Variants in CASP2 observed in about 807,000 individuals in gnomAD.
The protein encoded by CASP2 is caspase 2.
CASP2 carries 38 observed loss-of-function variants against 54.4 expected under a neutral mutation model. That is an observed-to-expected ratio of 0.70 (90% confidence interval 0.54 to 0.92). CASP2 has a LOEUF of 0.92. Among genes scored for constraint, CASP2 ranks in the 40% least tolerant of loss-of-function variants. CASP2 has a pLI of 0.00. For synonymous variants in CASP2, 215 were observed against 216.3 expected (o/e 0.99, Z 0.05); for missense variants, 512 against 579.6 (o/e 0.88, Z 1.20).
In CASP2 at chr7:143,307,543, ATATT is replaced by A. The variant is rs1419598811; in HGVS notation, c.*2474_*2477del. 2.6e-5 allele frequency: 4 copies of A among 152,186 alleles called. No homozygotes were observed. The highest frequency in any genetic ancestry group is 9.7e-5 in the African/African-American group (4 of 41,422). The allele number at this position is 152,186 out of a possible 1,614,324, so 9.4% of individuals were successfully genotyped here. A position where few individuals can be genotyped will look rare whatever the true frequency, so the allele number is the denominator to read the frequency against. ...CTGTAGTAGTCAAGGTGCTCAATAA[ATATT>A]TGTTTGGGTGGTTTGTGAGCCTTGC... On this transcript the variant is annotated 3_prime_UTR_variant, in exon 11 of 11. Coordinates refer to ENST00000310447, the MANE Select transcript of CASP2 (RefSeq NM_032982.4).
In CASP2 at chr7:143,305,392, A is replaced by G. The variant is rs1369652327; in HGVS notation, c.*321A>G. ...GGGAGAGGGCATATAAATTCCCCAT[A>G]TTTGTGTTCAGTTCCAGCTTTTGTA... On this transcript the variant is annotated 3_prime_UTR_variant, in exon 11 of 11. Transcript: ENST00000310447. 10 of 434,102 alleles carry G rather than the reference A, an allele frequency of 2.3e-5. No homozygotes were observed. Among genetic ancestry groups the G allele is most frequent in the Non-Finnish European group, 4.3e-5 (10 of 232,002 alleles). 26.9% of individuals were successfully genotyped at this position (434,102 alleles called of 1,614,324 possible).
intron 1 of CASP2, among the ~76,000 whole-genome samples, chr7:143,290,197 A>T (rs182013634): frequency 1.3e-4 from 20 of 151,646 alleles, no homozygotes; most frequent in Admixed American, 9.2e-4. Context: ...AGTAGCTAGG[A>T]CTACAGGCAT....
chr7:143,303,180 G>T (rs1801965404), intron 8 of CASP2: 1 of 151,862 alleles, frequency 6.6e-6, no homozygotes. Flanking sequence ...TTGGATGCTT[G>T]CTATAATTTA....
In CASP2 at chr7:143,300,193, C is replaced by T; in HGVS notation, c.877-11C>T. 6.2e-7 allele frequency: 1 copy of T among 1,614,114 alleles called. No individual in the cohort carries two copies. Among genetic ancestry groups the T allele is most frequent in the Non-Finnish European group, 8.5e-7 (1 of 1,179,986 alleles). ...GCTTAACCTCTCTTCTTCCTTCTTT[C>T]TTTCTGGCAGCTCCAAGAGGTTTTT... On this transcript the variant is annotated splice_polypyrimidine_tract_variant and intron_variant, in intron 7 of 10. Transcript: ENST00000310447.
chr7:143,299,879 G>C, intron 6 of CASP2, 44 bp from the exon 7 acceptor site: 2 of 1,612,544 alleles, frequency 1.2e-6, no homozygotes. Flanking sequence ...TGCTTATGTT[G>C]GTGCTGACCT....
intron 8 of CASP2, chr7:143,302,306 T>G (rs1368739657): frequency 6.6e-6 from 1 of 152,218 alleles, no homozygotes; most frequent in African/African-American, 2.4e-5. Context: ...TGGATCTGGA[T>G]AAGGAGTAAT....
chr7:143,292,341 C>T lies in CASP2; in HGVS notation c.267C>T (p.Asn89=). 6.2e-7 allele frequency: 1 copy of T among 1,614,214 alleles called. No homozygotes were observed. Among genetic ancestry groups the T allele is most frequent in the Non-Finnish European group, 8.5e-7 (1 of 1,180,036 alleles). Residue 89 remains asparagine (N), a synonymous_variant, in exon 3 of 11, where the codon AAC becomes AAT. Coordinates refer to ENST00000310447, the MANE Select transcript of CASP2 (RefSeq NM_032982.4). ...TCAGCCAGAATGTGGAACTCCTCAA[C>T]TTGCTGCCTAAGAGGGGTCCCCAAG... is the stretch of plus-strand genomic sequence containing the variant. ...GSFSQNVELL[N]LLPKRGPQAF...
intron 8 of CASP2, chr7:143,302,380 C>T (rs780080836): frequency 6.6e-6 from 1 of 152,148 alleles, no homozygotes; most frequent in Non-Finnish European, 1.5e-5. Flanking sequence ...AAATTAAATC[C>T]TTCAAGGAAT....
intron 9 of CASP2, 88 bp downstream of exon 9, chr7:143,304,021 T>G: frequency 8.0e-7 from 1 of 1,248,996 alleles, no homozygotes; most frequent in South Asian, 1.3e-5. Context: ...TGAGTATCCC[T>G]TATCTGAAGT....
intron 6 of CASP2, among the ~76,000 whole-genome samples, 183 bp downstream of exon 6, chr7:143,294,956 G>C (rs943843544): frequency 1.3e-5 from 2 of 151,986 alleles, no homozygotes; most frequent in Non-Finnish European, 2.9e-5. Flanking sequence ...ATTAGGGCCG[G>C]CCAGCCATTT....
chr7:143,292,682 G>GCTC lies in CASP2; in HGVS notation c.461_463dup (p.Leu154dup). The GCTC allele has an allele frequency of 6.2e-7, 1 of 1,612,722 alleles. No homozygotes were observed. The highest frequency in any genetic ancestry group is 8.5e-7 in the Non-Finnish European group (1 of 1,179,914). ...GTGAGTCCTGTCCCCTTTACAAGAA[G>GCTC]CTCCGCCTGTCGACAGGTGAGAATT... On this transcript the variant is annotated inframe_insertion, in exon 4 of 11. Transcript: ENST00000310447.
In CASP2 at chr7:143,299,928, G is replaced by T; in HGVS notation, c.753G>T (p.Met251Ile). Residue 251 changes from methionine (M) to isoleucine (I), a missense_variant, in exon 7 of 11, where the codon ATG becomes ATT. Coordinates refer to ENST00000310447, the MANE Select transcript of CASP2 (RefSeq NM_032982.4). The part of the protein sequence containing the change: ...HVLCDQTAQE[M>I]QEKLQNFAQL... ...TAAACATTCCTTTCTTTTAGGAAAT[G>T]CAAGAGAAACTGCAGAATTTTGCAC... 6.2e-7 allele frequency: 1 copy of T among 1,614,174 alleles called. No individual in the cohort carries two copies.
chr7:143,304,821 C>T, intron 10 of CASP2, 38 bp downstream of exon 10: 3 of 1,603,514 alleles, frequency 1.9e-6, no homozygotes, highest in Non-Finnish European at 2.6e-6. Context: ...TGTGTCTCCA[C>T]AGTGCTCTAC....
rs1327174917 is a variant in CASP2 at position 143,306,135 on chromosome 7, C to T, written c.*1064C>T. 1 of 151,838 alleles carries T rather than the reference C, an allele frequency of 6.6e-6. No individual in the cohort carries two copies. The highest frequency in any genetic ancestry group is 1.9e-4 in the East Asian group (1 of 5,184). 9.4% of individuals were successfully genotyped at this position (151,838 alleles called of 1,614,324 possible). Reference sequence around the variant, plus strand: ...TCCTGCTTTCTCTTTCAGTATTAAACTCTCCTTTGATATTATGTGGCTTTT... The same window carrying T: ...TCCTGCTTTCTCTTTCAGTATTAAATTCTCCTTTGATATTATGTGGCTTTT... On this transcript the variant is annotated 3_prime_UTR_variant, in exon 11 of 11. Transcript: ENST00000310447.
chr7:143,302,796 A>G (rs1175880404), intron 8 of CASP2: 3 of 152,192 alleles, frequency 2.0e-5, no homozygotes, highest in Non-Finnish European at 4.4e-5. Flanking sequence ...ACCCAAAATA[A>G]AACAACATCA....
chr7:143,288,739 G>A (rs906213142), intron 1 of CASP2, among the ~76,000 whole-genome samples: 10 of 152,232 alleles, frequency 6.6e-5, no homozygotes, highest in Non-Finnish European at 1.3e-4. Flanking sequence ...CTTGTCTCTC[G>A]TGGGAAAAGA....
chr7:143,296,659 C>G (rs1801760922), intron 6 of CASP2, among the ~76,000 whole-genome samples: 1 of 151,714 alleles, frequency 6.6e-6, no homozygotes, highest in Non-Finnish European at 1.5e-5. Context: ...ACAGAATGCT[C>G]TCTTCCTGGT....
intron 4 of CASP2, among the ~76,000 whole-genome samples, chr7:143,293,788 C>T (rs1251136912): frequency 6.6e-6 from 1 of 152,166 alleles, no homozygotes; most frequent in Non-Finnish European, 1.5e-5. Flanking sequence ...TGCGCCCGGC[C>T]CAGGCAAGGT....
intron 8 of CASP2, chr7:143,301,009 T>C: frequency 2.6e-6 from 2 of 780,840 alleles, no homozygotes; most frequent in Non-Finnish European, 1.6e-6. Flanking sequence ...CATTTACTAG[T>C]AACGTGAAGT....
Sources: gnomAD v4.1 joint callset for allele counts (sites outside exome capture counted in the v4.1 genomes callset) on GRCh38, gnomAD v4.1.1 for gene constraint, MANE v1.5 for transcripts, NCBI Gene and HGNC (gene_info 2026-07-23, HGNC 2026-07-21) for gene names.